Variants in POF1B observed in about 807,000 individuals in gnomAD.
POF1B encodes protein POF1B.
POF1B carries 53 observed loss-of-function variants against 55.3 expected under a neutral mutation model. The ratio of observed to expected loss-of-function variants is 0.96; its 90% CI spans 0.77 to 1.20. The LOEUF (loss-of-function observed/expected upper bound fraction) is 1.20. Ranked by LOEUF, POF1B falls within the 50% of genes most tolerant of loss-of-function variation. The pLI is 0.00. For missense variants in POF1B, 478 were observed against 420.5 expected (o/e 1.14, Z -1.20); for synonymous variants, 188 against 148.3 (o/e 1.27, Z -1.95).
intron 8 of POF1B, among the ~76,000 whole-genome samples, chrX:85,315,224 G>A (rs1262923489): frequency 9.0e-6 from 1 of 111,438 alleles, no homozygotes; most frequent in Non-Finnish European, 1.9e-5. Context: ...AAGATAATAT[G>A]CATATGTAAT....
intron 15 of POF1B, among the ~76,000 whole-genome samples, chrX:85,284,719 G>A (rs1932001408): frequency 9.0e-6 from 1 of 111,412 alleles, no homozygotes; most frequent in Non-Finnish European, 1.9e-5. Flanking sequence ...GAAAACCTAG[G>A]CAATACCATT....
rs1009384183 is a variant in POF1B, at chrX:85,353,238, A to G, written c.439-1787T>C. Among the ~76,000 whole-genome samples, 29 of 111,181 alleles carry G rather than the reference A, an allele frequency of 2.6e-4. No individual in the cohort carries two copies. The Admixed American group carries it at 2.8e-3, about 11-fold the overall frequency. ...TGAAGGAAACAAGACAATTAAAGTC[A>G]CCAAGTTTGGAAAAGTGTAAGTTAT... is the stretch of plus-strand genomic sequence containing the variant. On this transcript the variant is annotated intron_variant, in intron 4 of 16. Transcript: ENST00000262753.
chrX:85,334,720 T>C (rs1037307406), intron 6 of POF1B, among the ~76,000 whole-genome samples: 1 of 111,445 alleles, frequency 9.0e-6, no homozygotes, highest in East Asian at 2.8e-4. Context: ...AAAGAGAAAT[T>C]ACAGACCTCA....
In POF1B at chrX:85,311,028, A is replaced by G. The variant is rs376785523; in HGVS notation, c.958-2812T>C. On this transcript the variant is annotated intron_variant, in intron 9 of 16. Coordinates refer to ENST00000262753, the MANE Select transcript of POF1B (RefSeq NM_024921.4). Reference sequence around the variant, plus strand: ...AATGGAGGGAAATTCACATTTTCAGATGAGGGAAAATGAAAATAATTTGTT... The same window carrying G: ...AATGGAGGGAAATTCACATTTTCAGGTGAGGGAAAATGAAAATAATTTGTT... Among the ~76,000 whole-genome samples the G allele has an allele frequency of 8.1e-5, 9 of 111,490 alleles. No individual in the cohort carries two copies. In the South Asian group the frequency reaches 2.6e-3, roughly 32 times the overall value.
At chrX:85,290,962 G>A (rs895510186) in intron 15 of POF1B, among the ~76,000 whole-genome samples, 6 of 111,628 alleles carry the variant, frequency 5.4e-5, no homozygotes, top group Admixed American at 1.9e-4. Context: ...GTCAATTTTC[G>A]CTTTTGTTGC....
chrX:85,277,600 A>G lies in POF1B; in HGVS notation c.*1821T>C, dbSNP rs1440160610. On this transcript the variant is annotated 3_prime_UTR_variant, in exon 17 of 17. Transcript: ENST00000262753. ...ACACCCCTTTTCCCAGCCACTAGTAACCATCCTTCTACTCTCTATATCCAT... is the reference window on the plus strand; with the variant it reads ...ACACCCCTTTTCCCAGCCACTAGTAGCCATCCTTCTACTCTCTATATCCAT... 2.7e-5 allele frequency: 3 copies of G among 110,205 alleles called. No homozygotes were observed. The highest frequency in any genetic ancestry group is 3.8e-5 in the Non-Finnish European group (2 of 52,431). 9.1% of individuals were successfully genotyped at this position (110,205 alleles called of 1,213,427 possible).
intron 2 of POF1B, among the ~76,000 whole-genome samples, chrX:85,378,320 T>C (rs910840744): frequency 1.4e-4 from 16 of 111,741 alleles, no homozygotes; most frequent in African/African-American, 5.2e-4. Context: ...TTGGACAGAA[T>C]TTTCCAGAAA....
rs188951712 is a variant in POF1B at position 85,323,362 on chromosome X, G to A, written c.854+7587C>T. On this transcript the variant is annotated intron_variant, in intron 7 of 16. Coordinates refer to ENST00000262753, the MANE Select transcript of POF1B (RefSeq NM_024921.4). ...TCACAAGGACAAAAAACCAAGCACC[G>A]CATGTTCTCACTGGTAGGTAGGAAT... 4.7e-5 allele frequency among the ~76,000 whole-genome samples: 5 copies of A among 106,111 alleles called. No homozygotes were observed. The East Asian group carries it at 9.0e-4, about 19-fold the overall frequency. The allele number at this position is 106,111 out of a possible 115,157, so 92.1% of individuals were successfully genotyped here.
At chrX:85,299,774 C>T (rs940036445) in intron 15 of POF1B, among the ~76,000 whole-genome samples, 2 of 111,952 alleles carry the variant, frequency 1.8e-5, no homozygotes, top group African/African-American at 6.5e-5. Context: ...TCCCAAAGTG[C>T]TGGGATTACA....
At chrX:85,355,654 G>A (rs753693926) in intron 4 of POF1B, among the ~76,000 whole-genome samples, 3 of 111,920 alleles carry the variant, frequency 2.7e-5, no homozygotes, top group African/African-American at 9.8e-5. Context: ...CAAAGGATAT[G>A]AACAGACACT....
chrX:85,318,235 T>G (rs1027146377), intron 7 of POF1B, among the ~76,000 whole-genome samples: 1 of 111,452 alleles, frequency 9.0e-6, no homozygotes, highest in African/African-American at 3.2e-5. Context: ...AATGTTTAAA[T>G]TCCTTGTAGA....
At chrX:85,304,012 TATAA>T (rs200316826) in intron 14 of POF1B, among the ~76,000 whole-genome samples, 1,354 of 111,082 alleles carry the variant, frequency 0.012, 21 homozygotes, top group African/African-American at 0.035. Context: ...CAAGGAGGAA[TATAA>T]CACATGCTTT....
chrX:85,318,773 C>A (rs978752789), intron 7 of POF1B, among the ~76,000 whole-genome samples: 14 of 111,414 alleles, frequency 1.3e-4, no homozygotes, highest in Non-Finnish European at 2.5e-4. Context: ...GTTATTGTTG[C>A]CTTGTAGTAG....
At chrX:85,336,802 G>A (rs1422058314) in intron 6 of POF1B, among the ~76,000 whole-genome samples, 1 of 111,434 alleles carries the variant, frequency 9.0e-6, no homozygotes, top group African/African-American at 3.3e-5. Context: ...TTAACTTGAT[G>A]TAATCCCATT....
chrX:85,329,630 GTT>G (rs757217839), intron 7 of POF1B, among the ~76,000 whole-genome samples: 119 of 93,734 alleles, frequency 1.3e-3, no homozygotes, highest in African/African-American at 5.0e-3. Flanking sequence ...GGTGGTGGTC[GTT>G]TTTTTTTTTT....
chrX:85,372,866 A>T lies in POF1B; in HGVS notation c.283-5100T>A, dbSNP rs773994715. 4.7e-5 allele frequency among the ~76,000 whole-genome samples: 5 copies of T among 107,279 alleles called. No individual in the cohort carries two copies. The East Asian group carries it at 1.5e-3, about 31-fold the overall frequency. 93.2% of individuals were successfully genotyped at this position (107,279 alleles called of 115,157 possible). A position where few individuals can be genotyped will look rare whatever the true frequency, so the allele number is the denominator to read the frequency against. ...TTCAGAGTTAAATCAGATGATGTGC[A>T]AATGGCCTAAATGTCTCAGTTATTT... On this transcript the variant is annotated intron_variant, in intron 2 of 16. Transcript: ENST00000262753.
intron 4 of POF1B, among the ~76,000 whole-genome samples, chrX:85,351,742 A>G (rs1933394196): frequency 9.0e-6 from 1 of 111,112 alleles, no homozygotes; most frequent in African/African-American, 3.3e-5. Flanking sequence ...CTGTTCCTAA[A>G]GCAAGATATG....
Position 85,341,648 on chromosome X carries a change from G to A in POF1B, c.723+4212C>T, listed in dbSNP as rs150470147. Among the ~76,000 whole-genome samples the A allele has an allele frequency of 3.7e-4, 41 of 110,197 alleles. No homozygotes were observed. In the East Asian group the frequency reaches 0.011, roughly 30 times the overall value. ...CATTTTCAATAATGGGATTGAAGAG[G>A]GCAATAAACATGGAGAGGAAGTTGA... On this transcript the variant is annotated intron_variant, in intron 6 of 16. Transcript: ENST00000262753.
rs1289132343 is a variant in POF1B at position 85,304,422 on chromosome X, C to A, written c.1487G>T (p.Cys496Phe). 1 of 1,190,298 alleles carries A rather than the reference C, an allele frequency of 8.4e-7. No individual in the cohort carries two copies. Among genetic ancestry groups the A allele is most frequent in the South Asian group, 1.8e-5 (1 of 54,066 alleles). The change falls in exon 14 of 17, where the codon TGT becomes TTT. Residue 496 changes from cysteine (C) to phenylalanine (F), a missense_variant. Cys to Phe is a radical substitution (Grantham distance 205). Transcript: ENST00000262753. ...ATGAAGCTTAAATTGGAAGTCACTACAACTTCCTTCTCTCTTTGAAACATC... is the reference window on the plus strand; with the variant it reads ...ATGAAGCTTAAATTGGAAGTCACTAAAACTTCCTTCTCTCTTTGAAACATC... The part of the protein sequence containing the change: ...HKDVSKREGS[C>F]SDFQFKLHEL...
Sources: allele counts gnomAD v4.1 joint callset (sites outside exome capture counted in the v4.1 genomes callset), GRCh38; gene constraint gnomAD v4.1.1; transcripts MANE v1.5; gene names NCBI Gene and HGNC (gene_info 2026-07-23, HGNC 2026-07-21).